Variants in THSD4 observed in about 807,000 individuals in gnomAD.
THSD4 encodes thrombospondin type 1 domain containing 4.
THSD4 carries 69 observed loss-of-function variants against 119.0 expected under a neutral mutation model. The observed-to-expected ratio is 0.58, with a 90% confidence interval of 0.48 to 0.71. The LOEUF (loss-of-function observed/expected upper bound fraction) is 0.71, where lower values mean the gene tolerates loss of function less well. Ranked by LOEUF, THSD4 falls within the 30% of genes least tolerant of loss-of-function variation. The pLI, the probability that THSD4 is intolerant of heterozygous loss-of-function variation, is 0.00. For synonymous variants in THSD4, 524 were observed against 540.4 expected (o/e 0.97, Z 0.42); for missense variants, 1,393 against 1,391.1 (o/e 1.00, Z -0.02).
chr15:71,442,428 G>A (rs2047109845), intron 7 of THSD4, among the ~76,000 whole-genome samples: 1 of 150,572 alleles, frequency 6.6e-6, no homozygotes, highest in Non-Finnish European at 1.5e-5. Context: ...AATTAGCTGG[G>A]CGTGGTGGCA....
intron 3 of THSD4, among the ~76,000 whole-genome samples, chr15:71,212,382 GA>G (rs1221074160): frequency 6.6e-6 from 1 of 152,100 alleles, no homozygotes; most frequent in African/African-American, 2.4e-5. Context: ...TTCCCCCAGG[GA>G]CCTGCCCAAT....
At chr15:71,326,398 C>T (rs1381787591) in intron 6 of THSD4, among the ~76,000 whole-genome samples, 1 of 151,442 alleles carries the variant, frequency 6.6e-6, no homozygotes, top group Non-Finnish European at 1.5e-5. Context: ...TGGTGGTGGC[C>T]GGGCAGGGTG....
chr15:71,344,397 T>C (rs1333565909), intron 6 of THSD4, among the ~76,000 whole-genome samples: 3 of 152,112 alleles, frequency 2.0e-5, no homozygotes, highest in Non-Finnish European at 2.9e-5. Flanking sequence ...TAAGGTGATA[T>C]GTGCAGATTC....
chr15:71,462,682 T>A (rs911519940), intron 7 of THSD4, among the ~76,000 whole-genome samples: 2 of 152,248 alleles, frequency 1.3e-5, no homozygotes, highest in Non-Finnish European at 2.9e-5. Flanking sequence ...ATGTGAAATT[T>A]CTTCAAATAT....
rs556682631 is a variant in THSD4, at chr15:71,389,810, GTT to G, written c.1016-21861_1016-21860del. Among the ~76,000 whole-genome samples the G allele has an allele frequency of 4.5e-3, 399 of 88,018 alleles. 12 individuals are homozygous for G. The highest frequency in any genetic ancestry group is 0.017 in the African/African-American group (385 of 23,044). 57.7% of individuals were successfully genotyped at this position (88,018 alleles called of 152,430 possible). ...GCCAACACTTGCTATTTTCTGGGTTGTTTTTTTTTTTTTTTTTGACACAGAGT... is the reference window on the plus strand; with the variant it reads ...GCCAACACTTGCTATTTTCTGGGTTGTTTTTTTTTTTTTTTGACACAGAGT... On this transcript the variant is annotated intron_variant, in intron 6 of 17. Coordinates refer to ENST00000261862, the MANE Select transcript of THSD4 (RefSeq NM_024817.3).
chr15:71,774,021 C>T (rs1260441204), intron 17 of THSD4, among the ~76,000 whole-genome samples: 1 of 152,118 alleles, frequency 6.6e-6, no homozygotes, highest in East Asian at 1.9e-4. Context: ...AATGAACAAA[C>T]TCACCACAGG....
chr15:71,378,887 G>A (rs1284383640), intron 6 of THSD4, among the ~76,000 whole-genome samples: 1 of 152,152 alleles, frequency 6.6e-6, no homozygotes, highest in African/African-American at 2.4e-5. Context: ...GAGCTCAAAG[G>A]ATCCTCCTGC....
At chr15:71,358,113 C>T (rs139087342) in intron 6 of THSD4, among the ~76,000 whole-genome samples, 15 of 152,208 alleles carry the variant, frequency 9.9e-5, no homozygotes, top group African/African-American at 3.4e-4. Context: ...GCCTGTAGCA[C>T]GGTCTTCCTG....
In THSD4 at chr15:71,329,445, G is replaced by T. The variant is rs1018541244; in HGVS notation, c.1015+72730G>T. Among the ~76,000 whole-genome samples, 30 of 152,176 alleles carry T rather than the reference G, an allele frequency of 2.0e-4. 2 individuals are homozygous for T. Among genetic ancestry groups the T allele is most frequent in the Admixed American group, 1.5e-3 (23 of 15,284 alleles). On this transcript the variant is annotated intron_variant, in intron 6 of 17. Coordinates refer to ENST00000261862, the MANE Select transcript of THSD4 (RefSeq NM_024817.3). ...CCACACTGCTTATAACTTCTAGAAG[G>T]TTCTTTTAGGGAAACCTGCTTAGAA...
At chr15:71,680,111 G>A (rs2051743651) in intron 8 of THSD4, among the ~76,000 whole-genome samples, 1 of 152,172 alleles carries the variant, frequency 6.6e-6, no homozygotes, top group African/African-American at 2.4e-5. Flanking sequence ...AAATAATTTT[G>A]GGAGTTGGAA....
intron 4 of THSD4, among the ~76,000 whole-genome samples, chr15:71,226,846 G>C (rs527318655): frequency 1.3e-5 from 2 of 152,276 alleles, no homozygotes; most frequent in Admixed American, 1.3e-4. Flanking sequence ...AGTTAGCCGA[G>C]AAAACGGATA....
intron 4 of THSD4, among the ~76,000 whole-genome samples, chr15:71,242,248 G>A (rs1200157587): frequency 6.6e-6 from 1 of 152,158 alleles, no homozygotes; most frequent in African/African-American, 2.4e-5. Context: ...AAGTGAACAG[G>A]AAAGTTTCCT....
intron 7 of THSD4, among the ~76,000 whole-genome samples, chr15:71,585,274 T>C (rs2049642648): frequency 6.6e-6 from 1 of 152,222 alleles, no homozygotes. Flanking sequence ...AAGACCTAAT[T>C]ATAATGAACT....
intron 6 of THSD4, among the ~76,000 whole-genome samples, chr15:71,299,903 G>A (rs1263833390): frequency 6.7e-6 from 1 of 149,240 alleles, no homozygotes; most frequent in Non-Finnish European, 1.5e-5. Context: ...AGGCAGGATT[G>A]TTTGAGGCCA....
rs555723117 is a variant in THSD4 at position 71,734,351 on chromosome 15, T to G, written c.1630+3134T>G. Reference sequence around the variant, plus strand: ...TGAGCCATCACGTCACAAAGAGACATGGAGAAACCTTCCATGCATATTACT... The same window carrying G: ...TGAGCCATCACGTCACAAAGAGACAGGGAGAAACCTTCCATGCATATTACT... On this transcript the variant is annotated intron_variant, in intron 10 of 17. Transcript: ENST00000261862. 1.4e-4 allele frequency among the ~76,000 whole-genome samples: 22 copies of G among 152,290 alleles called. No individual in the cohort carries two copies. The South Asian group carries it at 4.6e-3, about 32-fold the overall frequency.
chr15:71,599,977 A>C (rs1019027509), intron 7 of THSD4, among the ~76,000 whole-genome samples: 1 of 152,190 alleles, frequency 6.6e-6, no homozygotes, highest in Non-Finnish European at 1.5e-5. Flanking sequence ...CAAATTCTAA[A>C]ACATCCAGGC....
At chr15:71,168,543 G>A (rs577213584) in intron 3 of THSD4, among the ~76,000 whole-genome samples, 5 of 152,282 alleles carry the variant, frequency 3.3e-5, no homozygotes, top group Admixed American at 1.3e-4. Context: ...CAGCCAAGGG[G>A]AACTGCTTTT....
chr15:71,651,992 C>A (rs1308930293), intron 7 of THSD4, among the ~76,000 whole-genome samples: 1 of 152,178 alleles, frequency 6.6e-6, no homozygotes, highest in Non-Finnish European at 1.5e-5. Flanking sequence ...CCCGTGAGAG[C>A]CTTCTGGGGA....
chr15:71,537,666 G>A (rs1280408318), intron 7 of THSD4, among the ~76,000 whole-genome samples: 1 of 151,974 alleles, frequency 6.6e-6, no homozygotes, highest in African/African-American at 2.4e-5. Flanking sequence ...TGTTTTTCCT[G>A]GTTCAAGCAG....
Sources: gnomAD v4.1 joint callset for allele counts (sites outside exome capture counted in the v4.1 genomes callset) on GRCh38, gnomAD v4.1.1 for gene constraint, MANE v1.5 for transcripts, NCBI Gene and HGNC (gene_info 2026-07-23, HGNC 2026-07-21) for gene names.